The following EXOC4 variants were observed in gnomAD, a reference collection of about 807,000 sequenced individuals.
EXOC4 encodes exocyst complex component 4, also known as SEC8-like 1.
EXOC4 carries 71 observed loss-of-function variants against 107.2 expected under a neutral mutation model. The ratio of observed to expected loss-of-function variants is 0.66; its 90% CI spans 0.55 to 0.81. EXOC4 has a LOEUF of 0.81. EXOC4 is among the 30% of genes least tolerant of loss of function. The pLI is 0.00. For synonymous variants in EXOC4, 456 were observed against 441.2 expected (o/e 1.03, Z -0.42); for missense variants, 1,108 against 1,189.6 (o/e 0.93, Z 1.01).
intron 9 of EXOC4, among the ~76,000 whole-genome samples, chr7:133,585,030 G>T (rs918770928): frequency 2.0e-5 from 3 of 151,952 alleles, no homozygotes; most frequent in Non-Finnish European, 4.4e-5. Context: ...TTATTTTTTT[G>T]AATGTAAATC....
chr7:134,031,068 C>A (rs930795566), intron 17 of EXOC4, among the ~76,000 whole-genome samples: 1 of 152,146 alleles, frequency 6.6e-6, no homozygotes, highest in African/African-American at 2.4e-5. Context: ...ATAGGGCAAT[C>A]TATAGAGACA....
At chr7:133,853,737 A>G (rs938839863) in intron 11 of EXOC4, among the ~76,000 whole-genome samples, 1 of 152,000 alleles carries the variant, frequency 6.6e-6, no homozygotes, top group Non-Finnish European at 1.5e-5. Flanking sequence ...GCCCTTCCCC[A>G]TGCTCATGTT....
chr7:133,529,201 CCTT>C (rs1278090419), intron 9 of EXOC4, among the ~76,000 whole-genome samples: 1 of 152,120 alleles, frequency 6.6e-6, no homozygotes, highest in Non-Finnish European at 1.5e-5. Flanking sequence ...AATCCTTTCT[CCTT>C]CTTCTTTGCC....
At chr7:134,043,691 A>G (rs1795578272) in intron 17 of EXOC4, among the ~76,000 whole-genome samples, 1 of 152,064 alleles carries the variant, frequency 6.6e-6, no homozygotes, top group Non-Finnish European at 1.5e-5. Context: ...TTGGGTGTAA[A>G]CTATTAGGGG....
intron 14 of EXOC4, among the ~76,000 whole-genome samples, chr7:133,953,301 A>G (rs1011937664): frequency 6.6e-6 from 1 of 152,114 alleles, no homozygotes; most frequent in Non-Finnish European, 1.5e-5. Context: ...AAAATAAAAA[A>G]TTTGGCCAGG....
chr7:133,538,857 A>AAGAGAGAG (rs1554469398), intron 9 of EXOC4, among the ~76,000 whole-genome samples: 166 of 72,164 alleles, frequency 2.3e-3, no homozygotes, highest in South Asian at 5.9e-3. Flanking sequence ...GAAAGAAAGA[A>AAGAGAGAG]AGAGAGAGAG....
intron 2 of EXOC4, among the ~76,000 whole-genome samples, chr7:133,279,256 T>G (rs1794073337): frequency 6.6e-6 from 1 of 152,180 alleles, no homozygotes; most frequent in Admixed American, 6.5e-5. Flanking sequence ...TCTTTGCTAT[T>G]GTGAATAGTG....
At chr7:133,804,803 T>C (rs149156233) in intron 10 of EXOC4, among the ~76,000 whole-genome samples, 2 of 152,346 alleles carry the variant, frequency 1.3e-5, no homozygotes, top group African/African-American at 2.4e-5. Flanking sequence ...CTCATTGATA[T>C]GTTTAACATA....
intron 3 of EXOC4, among the ~76,000 whole-genome samples, chr7:133,291,187 A>C (rs1287384179): frequency 6.6e-6 from 1 of 152,106 alleles, no homozygotes; most frequent in Non-Finnish European, 1.5e-5. Flanking sequence ...TTTGTAAGAC[A>C]CATTTTCCGG....
At chr7:133,911,371 A>T (rs1298039697) in intron 12 of EXOC4, among the ~76,000 whole-genome samples, 1 of 152,162 alleles carries the variant, frequency 6.6e-6, no homozygotes, top group Non-Finnish European at 1.5e-5. Context: ...TTGAGTAAAA[A>T]ATTTTCTTTA....
intron 10 of EXOC4, among the ~76,000 whole-genome samples, chr7:133,766,455 C>T (rs1796140255): frequency 6.6e-6 from 1 of 151,950 alleles, no homozygotes; most frequent in African/African-American, 2.4e-5. Context: ...AGTGACATTT[C>T]ATTAGAATGG....
chr7:133,680,192 A>G (rs952923770), intron 10 of EXOC4, among the ~76,000 whole-genome samples: 6 of 152,160 alleles, frequency 3.9e-5, no homozygotes, highest in African/African-American at 1.2e-4. Context: ...TTTTGTCTCA[A>G]TTTGAGAGAA....
intron 9 of EXOC4, among the ~76,000 whole-genome samples, chr7:133,581,336 G>C (rs1241683077): frequency 6.6e-6 from 1 of 152,156 alleles, no homozygotes; most frequent in African/African-American, 2.4e-5. Flanking sequence ...ACATGTACAG[G>C]TTTGCTAGAT....
chr7:133,938,646 G>C, intron 14 of EXOC4, among the ~76,000 whole-genome samples: 1 of 152,108 alleles, frequency 6.6e-6, no homozygotes, highest in East Asian at 1.9e-4. Context: ...TTCTATGAAG[G>C]ACCAGTGACT....
intron 4 of EXOC4, 40 bp downstream of exon 4, chr7:133,306,101 T>G (rs772706631): frequency 5.3e-6 from 8 of 1,504,344 alleles, no homozygotes; most frequent in Non-Finnish European, 7.2e-6. Flanking sequence ...TGTGGCAGTG[T>G]AGGATTGGAA....
At chr7:133,860,678 G>T (rs1798515245) in intron 11 of EXOC4, among the ~76,000 whole-genome samples, 1 of 147,552 alleles carries the variant, frequency 6.8e-6, no homozygotes, top group East Asian at 1.9e-4. Context: ...CTGCTTAATA[G>T]ATGTTACTTC....
At chr7:134,046,176 T>TA (rs1563103334) in intron 17 of EXOC4, among the ~76,000 whole-genome samples, 1 of 152,120 alleles carries the variant, frequency 6.6e-6, no homozygotes, top group Non-Finnish European at 1.5e-5. Context: ...CCTATAAAAA[T>TA]ACAGAATGTT....
downstream of EXOC4, among the ~76,000 whole-genome samples, chr7:134,067,204 G>A (rs1357542330): frequency 6.6e-6 from 1 of 150,994 alleles, no homozygotes; most frequent in Admixed American, 6.6e-5. Flanking sequence ...ACCAGAAGGG[G>A]TGCTGGAAAC....
At chr7:133,740,992 G>A (rs1047601739) in intron 10 of EXOC4, among the ~76,000 whole-genome samples, 3 of 152,178 alleles carry the variant, frequency 2.0e-5, no homozygotes, top group African/African-American at 7.2e-5. Context: ...GTTACTTGCA[G>A]CTCAATTAAC....
Sources: gnomAD v4.1 joint callset for allele counts (sites outside exome capture counted in the v4.1 genomes callset) on GRCh38, gnomAD v4.1.1 for gene constraint, MANE v1.5 for transcripts, NCBI Gene and HGNC (gene_info 2026-07-23, HGNC 2026-07-21) for gene names.